HELZ: variants seen among roughly 807,000 people sequenced by gnomAD.
HELZ encodes helicase with zinc finger, also known as ATP-dependent RNA helicase with zinc finger domain.
Under a neutral mutation model 218.2 loss-of-function variants are expected in HELZ, and 23 were observed. That is an observed-to-expected ratio of 0.11 (90% CI 0.08 to 0.15). The LOEUF (loss-of-function observed/expected upper bound fraction) is 0.15. Ranked by LOEUF, HELZ falls within the 10% of genes least tolerant of loss-of-function variation. HELZ has a pLI of 1.00. For synonymous variants in HELZ, 814 were observed against 829.4 expected (o/e 0.98, Z 0.32); for missense variants, 1,813 against 2,353.7 (o/e 0.77, Z 4.75).
intron 15 of HELZ, among the ~76,000 whole-genome samples, chr17:67,163,055 T>C (rs1031613070): frequency 1.1e-4 from 16 of 152,202 alleles, no homozygotes; most frequent in African/African-American, 3.1e-4. Context: ...CCCCCAATGG[T>C]TCCTTTATCT....
At chr17:67,088,832 T>C (rs2036471040) in intron 31 of HELZ, among the ~76,000 whole-genome samples, 2 of 152,248 alleles carry the variant, frequency 1.3e-5, no homozygotes, top group African/African-American at 4.8e-5. Flanking sequence ...TCCAAATTAA[T>C]TTAGTGTCAA....
At chr17:67,087,215 C>G in intron 31 of HELZ, 134 bp from the exon 32 acceptor site, 1 of 771,460 alleles carries the variant, frequency 1.3e-6, no homozygotes, top group East Asian at 2.7e-5. Context: ...GAAACCCTCC[C>G]TCCACCCTAC....
At chr17:67,148,307 C>T (rs2038569978) in intron 20 of HELZ, among the ~76,000 whole-genome samples, 1 of 152,190 alleles carries the variant, frequency 6.6e-6, no homozygotes, top group Admixed American at 6.5e-5. Flanking sequence ...TCATACAAGT[C>T]TTCTGTGTTA....
chr17:67,218,415 AAG>A (rs2040661941), intron 4 of HELZ, among the ~76,000 whole-genome samples, 178 bp downstream of exon 4: 3 of 152,176 alleles, frequency 2.0e-5, no homozygotes, highest in Non-Finnish European at 4.4e-5. Context: ...AAATGCCCTA[AAG>A]TAGAACAGTT....
intron 19 of HELZ, 121 bp from the exon 20 acceptor site, chr17:67,148,835 G>A (rs1214879494): frequency 2.4e-6 from 2 of 837,576 alleles, no homozygotes; most frequent in Non-Finnish European, 3.7e-6. Context: ...CATGCTAAAT[G>A]CTGGGACAAG....
At chr17:67,196,617 G>A (rs1391033707) in intron 7 of HELZ, among the ~76,000 whole-genome samples, 1 of 149,814 alleles carries the variant, frequency 6.7e-6, no homozygotes, top group Non-Finnish European at 1.5e-5. Flanking sequence ...TGCATGGGTG[G>A]GTGGATGGGA....
chr17:67,086,310 A>G (rs2036369082), intron 32 of HELZ, among the ~76,000 whole-genome samples: 1 of 152,070 alleles, frequency 6.6e-6, no homozygotes, highest in Non-Finnish European at 1.5e-5. Context: ...GGAACTGGCC[A>G]GGTGCGGTGG....
At chr17:67,097,427 A>T (rs1347043817) in intron 31 of HELZ, among the ~76,000 whole-genome samples, 1 of 152,214 alleles carries the variant, frequency 6.6e-6, no homozygotes, top group African/African-American at 2.4e-5. Context: ...CATATACTGA[A>T]ATAAATGTGA....
intron 17 of HELZ, among the ~76,000 whole-genome samples, chr17:67,155,972 G>C (rs936544454): frequency 1.4e-5 from 2 of 147,112 alleles, no homozygotes; most frequent in African/African-American, 5.0e-5. Context: ...TTATTTTTAT[G>C]TATTATATAT....
At chr17:67,116,264 G>A (rs1048636073) in intron 27 of HELZ, among the ~76,000 whole-genome samples, 8 of 150,258 alleles carry the variant, frequency 5.3e-5, no homozygotes, top group African/African-American at 9.8e-5. Flanking sequence ...AGGAGAAGGC[G>A]GAAAAATCAA....
intron 26 of HELZ, among the ~76,000 whole-genome samples, 185 bp from the exon 27 acceptor site, chr17:67,120,797 G>C (rs2037587319): frequency 6.6e-6 from 1 of 152,046 alleles, no homozygotes; most frequent in East Asian, 1.9e-4. Flanking sequence ...GTCTTAACTG[G>C]CTAAAAAACA....
At chr17:67,148,451 T>G (rs777652344) in intron 20 of HELZ, 118 bp downstream of exon 20, 2 of 768,544 alleles carry the variant, frequency 2.6e-6, no homozygotes, top group African/African-American at 1.8e-5. Context: ...TTTGCAAGAC[T>G]AGGGACACTA....
chr17:67,111,051 T>C (rs961184619), intron 28 of HELZ, among the ~76,000 whole-genome samples: 37 of 152,076 alleles, frequency 2.4e-4, no homozygotes, highest in African/African-American at 8.7e-4. Context: ...TATGCAAAGG[T>C]TGAAGAAAGG....
intron 20 of HELZ, among the ~76,000 whole-genome samples, chr17:67,146,919 A>C (rs1003320264): frequency 1.3e-5 from 2 of 152,130 alleles, no homozygotes; most frequent in Non-Finnish European, 2.9e-5. Flanking sequence ...CCTGATGTGG[A>C]TTAGGGTTAC....
Position 67,217,026 on chromosome 17 carries a change from C to A in HELZ, c.211-1091G>T, listed in dbSNP as rs1474385269. On this transcript the variant is annotated intron_variant, in intron 4 of 32. Coordinates refer to ENST00000358691, the MANE Select transcript of HELZ (RefSeq NM_014877.4). ...GTGATTCTACGCTGGCTCAAGACAT[C>A]ATATAGCACTTCTATCCCACAGTCT... 4.9e-4 allele frequency among the ~76,000 whole-genome samples: 75 copies of A among 152,260 alleles called. 1 individual carries two copies. The highest frequency in any genetic ancestry group is 1.0e-4 in the Non-Finnish European group (7 of 68,030).
In HELZ at chr17:67,151,202, C is replaced by T. The variant is rs2038671229; in HGVS notation, c.2200G>A (p.Val734Ile). 6.2e-7 allele frequency: 1 copy of T among 1,610,484 alleles called. No homozygotes were observed. Among genetic ancestry groups the T allele is most frequent in the Non-Finnish European group, 8.5e-7 (1 of 1,178,060 alleles). ...TGCACAACTGGGTGGACAGTCTTTA[C>T]CCAGCGATTTCTGAAATATACCCTG... ...PLRVYFRNRW[V>I]KTVHPVVHQY... The change falls in exon 18 of 33, where the codon GTA becomes ATA. Residue 734 changes from valine (V) to isoleucine (I), a missense_variant. Val to Ile is a conservative substitution (Grantham distance 29). This residue lies in a region of HELZ where 714 missense variants were observed against 1,029.2 expected (regional missense o/e 0.69). Coordinates refer to ENST00000358691, the MANE Select transcript of HELZ (RefSeq NM_014877.4).
rs112517413 is a variant in HELZ, at chr17:67,155,705, C to T, written c.2178-4481G>A. On this transcript the variant is annotated intron_variant, in intron 17 of 32. Transcript: ENST00000358691. ...CACAAAAGTTAACTGGGCGTGGTGGCGTGTGCCTGTAATTCCAGCTACTTG... is the reference window on the plus strand; with the variant it reads ...CACAAAAGTTAACTGGGCGTGGTGGTGTGTGCCTGTAATTCCAGCTACTTG... 6.3e-3 allele frequency among the ~76,000 whole-genome samples: 956 copies of T among 152,140 alleles called. 9 individuals carry two copies. Among genetic ancestry groups the T allele is most frequent in the African/African-American group, 0.022 (912 of 41,532 alleles).
intron 23 of HELZ, among the ~76,000 whole-genome samples, chr17:67,132,144 T>C (rs914629294): frequency 1.3e-5 from 2 of 152,194 alleles, no homozygotes; most frequent in African/African-American, 4.8e-5. Context: ...CAAAGTTTGA[T>C]TTTCTTTCTC....
intron 5 of HELZ, among the ~76,000 whole-genome samples, chr17:67,212,955 T>A (rs1429385254): frequency 2.0e-5 from 3 of 152,238 alleles, no homozygotes; most frequent in Non-Finnish European, 4.4e-5. Context: ...GACAACTTTA[T>A]CTTAGGCATC....
Sources: gnomAD v4.1 joint callset for allele counts (sites outside exome capture counted in the v4.1 genomes callset) on GRCh38, gnomAD v4.1.1 for gene constraint, gnomAD v4.1.1 regional missense constraint, MANE v1.5 for transcripts, NCBI Gene and HGNC (gene_info 2026-07-23, HGNC 2026-07-21) for gene names.